The following CELSR1 variants were observed in gnomAD, a reference collection of about 807,000 sequenced individuals.
The protein encoded by CELSR1 is cadherin EGF LAG seven-pass G-type receptor 1, also known as adhesion G protein-coupled receptor C1.
Under a neutral mutation model 249.1 loss-of-function variants are expected in CELSR1, and 110 were observed. The ratio of observed to expected loss-of-function variants is 0.44; its 90% CI spans 0.38 to 0.52. The LOEUF (loss-of-function observed/expected upper bound fraction) is 0.52. CELSR1 is among the 20% of genes least tolerant of loss of function. The pLI, the probability that CELSR1 is intolerant of heterozygous loss-of-function variation, is 0.00. For synonymous variants in CELSR1, 2,113 were observed against 1,900.0 expected, an observed-to-expected ratio of 1.11 and a Z score of -2.92; for missense variants, 4,109 against 4,296.4, an observed-to-expected ratio of 0.96 and a Z score of 1.22.
chr22:46,531,770 C>G (rs34083227), intron 1 of CELSR1, among the ~76,000 whole-genome samples: 1 of 151,896 alleles, frequency 6.6e-6, no homozygotes, highest in Non-Finnish European at 1.5e-5. Flanking sequence ...CACATGAGAG[C>G]GCAAATAAAA....
At chr22:46,403,560 C>T (rs2147298489) in intron 9 of CELSR1, among the ~76,000 whole-genome samples, 1 of 150,776 alleles carries the variant, frequency 6.6e-6, no homozygotes, top group East Asian at 2.0e-4. Flanking sequence ...CTGTCACACA[C>T]ACAAAAAAAA....
rs557278977 is a variant in CELSR1 at position 46,518,373 on chromosome 22, G to T, written c.3544+15254C>A. On this transcript the variant is annotated intron_variant, in intron 1 of 34. Transcript: ENST00000674500. This position sits in a 1 kb window ranked among gnomAD's most constrained non-coding sequence, Gnocchi z 5.2. ...CAGTCTCGTTAGAGGAGAACGAAGG[G>T]AGTGGGCTCCCACAGACCACATTGC... is the stretch of plus-strand genomic sequence containing the variant. Among the ~76,000 whole-genome samples the T allele has an allele frequency of 5.3e-4, 81 of 152,352 alleles. No homozygotes were observed. The highest frequency in any genetic ancestry group is 1.7e-3 in the African/African-American group (71 of 41,582).
intron 2 of CELSR1, among the ~76,000 whole-genome samples, chr22:46,461,148 A>C (rs1403305768): frequency 6.6e-6 from 1 of 152,214 alleles, no homozygotes; most frequent in Non-Finnish European, 1.5e-5. Context: ...GAGCGCTTCA[A>C]AGGGAAAGAG....
intron 1 of CELSR1, chr22:46,530,358 T>C (rs2080779682): frequency 6.7e-6 from 1 of 148,762 alleles, no homozygotes; most frequent in Non-Finnish European, 1.5e-5. Context: ...TTATATATTA[T>C]ATATAATTCA....
chr22:46,385,451 T>TA (rs1023164727), intron 19 of CELSR1, among the ~76,000 whole-genome samples: 19 of 152,098 alleles, frequency 1.2e-4, no homozygotes, highest in Non-Finnish European at 2.5e-4. Flanking sequence ...CGCCTGTACT[T>TA]ACACCTGTCT....
Position 46,364,566 on chromosome 22 carries a change from C to T in CELSR1, c.8725G>A (p.Glu2909Lys). Residue 2909 changes from glutamate to lysine, a missense_variant, in exon 33 of 35, where the codon GAG becomes AAG. By Grantham distance (56) the Glu-to-Lys change is moderately conservative. Around this residue, in one of 7 missense-constraint regions of CELSR1, gnomAD observed 1,805 missense variants for 1,831.6 expected, o/e 0.99. Transcript: ENST00000674500. The part of the protein sequence containing the change: ...SHRGEYPPDQ[E>K]SGGAARLASS... The stretch of plus-strand genomic sequence containing the variant: ...GCAAGCCTGGCTGCGCCCCCGCTCT[C>T]CTGGTCCGGGGGGTACTCTCCACGG... 6.2e-7 allele frequency: 1 copy of T among 1,612,486 alleles called. No individual in the cohort carries two copies.
At chr22:46,422,483 C>G (rs2079486034) in intron 5 of CELSR1, among the ~76,000 whole-genome samples, 1 of 148,386 alleles carries the variant, frequency 6.7e-6, no homozygotes, top group Non-Finnish European at 1.5e-5. Flanking sequence ...CCTGTAATCG[C>G]AGCACTTTGG....
chr22:46,383,977 C>T (rs963983281), intron 20 of CELSR1, among the ~76,000 whole-genome samples: 1 of 151,516 alleles, frequency 6.6e-6, no homozygotes, highest in Non-Finnish European at 1.5e-5. Context: ...TTTTTTGAGA[C>T]GGAGTCTTAC....
intron 1 of CELSR1, among the ~76,000 whole-genome samples, chr22:46,469,224 C>T (rs1340224761): frequency 2.0e-5 from 3 of 152,152 alleles, no homozygotes; most frequent in Non-Finnish European, 4.4e-5. Context: ...AAATATTGAC[C>T]TCATCACCTT....
rs1404912389 is a variant in CELSR1, at chr22:46,399,057, A to G, written c.5413-420T>C. ...GGCTGAGATCCAGTCCCAGAAAGGC[A>G]GGTGCCTGGAACACACCTATTTACT... On this transcript the variant is annotated intron_variant, in intron 10 of 34. Transcript: ENST00000674500. This position sits in a 1 kb window ranked among gnomAD's most constrained non-coding sequence, Gnocchi z 5.0. 6.6e-6 allele frequency among the ~76,000 whole-genome samples: 1 copy of G among 152,232 alleles called. No individual in the cohort carries two copies. Among genetic ancestry groups the G allele is most frequent in the Non-Finnish European group, 1.5e-5 (1 of 68,026 alleles).
At position 46,500,719 on chromosome 22, in the gene CELSR1, G is replaced by T. The variant is rs972555635; in HGVS notation, c.3544+32908C>A. Among the ~76,000 whole-genome samples the T allele has an allele frequency of 6.6e-5, 10 of 152,146 alleles. No individual in the cohort carries two copies. The highest frequency in any genetic ancestry group is 6.5e-4 in the Admixed American group (10 of 15,272). On this transcript the variant is annotated intron_variant, in intron 1 of 34. Coordinates refer to ENST00000674500, the MANE Select transcript of CELSR1 (RefSeq NM_001378328.1). The surrounding 1 kb of genome is among the most constrained non-coding windows in gnomAD (Gnocchi z 4.9). ...TAATTATCTGGTCTGTTTTCTGGGT[G>T]ACCTGGGAGCCTTTGACTGCAGTTT... is the stretch of plus-strand genomic sequence containing the variant.
intron 22 of CELSR1, 105 bp from the exon 23 acceptor site, chr22:46,378,822 G>C: frequency 7.0e-7 from 1 of 1,436,468 alleles, no homozygotes; most frequent in Non-Finnish European, 9.3e-7. Flanking sequence ...GGCCATCCTG[G>C]CCAAACCAAA....
rs2078981601 is a variant in CELSR1 at position 46,381,905 on chromosome 22, A to T, written c.7029T>A (p.Ile2343=). ...GCAGGAGCTGCCCCAGGGTGCGGTA[A>T]ATGATGACCAGAGCGACGGCGAACT... is the stretch of plus-strand genomic sequence containing the variant. ...AGQFAVALVI[I]YRTLGQLLPE... is the part of the protein sequence containing the mutation. The change falls in exon 21 of 35, where the codon ATT becomes ATA. Residue 2343 remains isoleucine (I), a synonymous_variant. Transcript: ENST00000674500. The surrounding 1 kb of genome is among the most constrained non-coding windows in gnomAD (Gnocchi z 6.0). The T allele has an allele frequency of 6.3e-7, 1 of 1,575,288 alleles. No individual in the cohort carries two copies. Among genetic ancestry groups the T allele is most frequent in the East Asian group, 2.3e-5 (1 of 42,836 alleles).
At position 46,396,070 on chromosome 22, in the gene CELSR1, G is replaced by A. The variant is rs533903461; in HGVS notation, c.5843+535C>T. On this transcript the variant is annotated intron_variant, in intron 13 of 34. Transcript: ENST00000674500. This position sits in a 1 kb window ranked among gnomAD's most constrained non-coding sequence, Gnocchi z 6.4. Reference sequence around the variant, plus strand: ...CAGGTGAGTCATTTGCATGTTTCAGGTGTGGACACATGATCCAATGGGGTT... The same window carrying A: ...CAGGTGAGTCATTTGCATGTTTCAGATGTGGACACATGATCCAATGGGGTT... Among the ~76,000 whole-genome samples, 1 of 152,306 alleles carries A rather than the reference G, an allele frequency of 6.6e-6. No homozygotes were observed. Among genetic ancestry groups the A allele is most frequent in the African/African-American group, 2.4e-5 (1 of 41,572 alleles).
rs2079340150 is a variant in CELSR1, at chr22:46,411,818, G to A, written c.4612-59C>T. The A allele has an allele frequency of 6.2e-7, 1 of 1,603,862 alleles. No individual in the cohort carries two copies. Among genetic ancestry groups the A allele is most frequent in the Admixed American group, 1.7e-5 (1 of 59,952 alleles). On this transcript the variant is annotated intron_variant, in intron 5 of 34. Coordinates refer to ENST00000674500, the MANE Select transcript of CELSR1 (RefSeq NM_001378328.1). This position sits in a 1 kb window ranked among gnomAD's most constrained non-coding sequence, Gnocchi z 4.2. ...TTTTCTCCACCAGTGCCCTCAGCAG[G>A]CGCACCTGTCACTCATAGAGCGAGG... is the stretch of plus-strand genomic sequence containing the variant.
In CELSR1 at chr22:46,428,100, T is replaced by C. The variant is rs1216554117; in HGVS notation, c.4611+5293A>G. ...AGCGGTCATCTCAAGGTCATGGAAA[T>C]CTCAAAGCACTTACATCCTCTGCTC... On this transcript the variant is annotated intron_variant, in intron 5 of 34. Coordinates refer to ENST00000674500, the MANE Select transcript of CELSR1 (RefSeq NM_001378328.1). This position sits in a 1 kb window ranked among gnomAD's most constrained non-coding sequence, Gnocchi z 5.7. Among the ~76,000 whole-genome samples, 2 of 152,106 alleles carry C rather than the reference T, an allele frequency of 1.3e-5. No individual in the cohort carries two copies. Among genetic ancestry groups the C allele is most frequent in the East Asian group, 3.9e-4 (2 of 5,184 alleles).
intron 23 of CELSR1, 57 bp downstream of exon 23, chr22:46,378,534 G>A: frequency 1.3e-6 from 2 of 1,518,912 alleles, no homozygotes; most frequent in Non-Finnish European, 1.8e-6. Flanking sequence ...GTTTGGGGGG[G>A]AGGGGCAGGT....
In CELSR1 at chr22:46,374,782, G is replaced by A. The variant is rs1046953491; in HGVS notation, c.7585-1725C>T. Among the ~76,000 whole-genome samples, 2 of 152,162 alleles carry A rather than the reference G, an allele frequency of 1.3e-5. No homozygotes were observed. Among genetic ancestry groups the A allele is most frequent in the Non-Finnish European group, 1.5e-5 (1 of 68,032 alleles). On this transcript the variant is annotated intron_variant, in intron 24 of 34. Transcript: ENST00000674500. The surrounding 1 kb of genome is among the most constrained non-coding windows in gnomAD (Gnocchi z 4.3). ...TCAGAGCCTTCCCAGACCAATGCGC[G>A]GATGAGAACGTGCCCATTGCGGGGA...
chr22:46,515,131 C>G (rs546081679), intron 1 of CELSR1, among the ~76,000 whole-genome samples: 1 of 152,198 alleles, frequency 6.6e-6, no homozygotes, highest in Non-Finnish European at 1.5e-5. Flanking sequence ...GCCAACCCCC[C>G]CCGGGGACAC....
Sources: gnomAD v4.1 joint callset for allele counts (sites outside exome capture counted in the v4.1 genomes callset) on GRCh38, gnomAD v4.1.1 for gene constraint, gnomAD v4.1.1 regional missense constraint, Gnocchi (gnomAD v3.1) non-coding constraint, MANE v1.5 for transcripts, NCBI Gene and HGNC (gene_info 2026-07-23, HGNC 2026-07-21) for gene names.